AGBL1: variants seen among roughly 807,000 people sequenced by gnomAD.
AGBL1 encodes AGBL carboxypeptidase 1.
A neutral mutation model predicts 118.9 loss-of-function variants in AGBL1; 130 were observed. The observed-to-expected ratio is 1.09, with a 90% CI of 0.95 to 1.26. The LOEUF (loss-of-function observed/expected upper bound fraction) is 1.26. Ranked by LOEUF, AGBL1 falls within the 50% of genes most tolerant of loss-of-function variation. The pLI, the probability that AGBL1 is intolerant of heterozygous loss-of-function variation, is 0.00. For synonymous variants in AGBL1, 555 were observed against 478.9 expected (o/e 1.16, Z -2.08); for missense variants, 1,584 against 1,298.1 (o/e 1.22, Z -3.38).
intron 5 of AGBL1, among the ~76,000 whole-genome samples, chr15:86,198,677 T>C (rs555549517): frequency 1.3e-5 from 2 of 152,188 alleles, no homozygotes; most frequent in South Asian, 4.2e-4. Flanking sequence ...TCTCTCTCTC[T>C]CTCTTTCTGT....
chr15:86,314,021 G>T (rs566889648), intron 17 of AGBL1, among the ~76,000 whole-genome samples: 2 of 152,264 alleles, frequency 1.3e-5, no homozygotes, highest in Admixed American at 6.5e-5. Context: ...AATCATAAAC[G>T]CCTAGATCCT....
intron 9 of AGBL1, among the ~76,000 whole-genome samples, chr15:86,259,880 T>C (rs2078955002): frequency 6.6e-6 from 1 of 152,230 alleles, no homozygotes; most frequent in Admixed American, 6.5e-5. Context: ...GGGTGCACGA[T>C]AGTGCCTGAC....
chr15:86,668,608 T>C (rs879432273), intron 21 of AGBL1, among the ~76,000 whole-genome samples: 11 of 152,158 alleles, frequency 7.2e-5, no homozygotes, highest in Admixed American at 2.6e-4. Context: ...TTACAGAGGA[T>C]GTTCAATGAT....
At chr15:86,596,389 G>A (rs1049864187) in intron 21 of AGBL1, among the ~76,000 whole-genome samples, 2 of 152,086 alleles carry the variant, frequency 1.3e-5, no homozygotes, top group African/African-American at 4.8e-5. Flanking sequence ...CATTCAGAAG[G>A]CTCTTATGTA....
chr15:86,752,867 C>A (rs1384454564), intron 22 of AGBL1, among the ~76,000 whole-genome samples: 1 of 151,982 alleles, frequency 6.6e-6, no homozygotes, highest in Non-Finnish European at 1.5e-5. Flanking sequence ...ATCAAGGACC[C>A]TTGATTAGAT....
chr15:86,128,417 G>T (rs1241134504), intron 1 of AGBL1, among the ~76,000 whole-genome samples: 1 of 152,148 alleles, frequency 6.6e-6, no homozygotes, highest in Non-Finnish European at 1.5e-5. Flanking sequence ...GTGAGATTTG[G>T]GTGGGGACAC....
At chr15:86,781,033 T>C (rs984057203) in intron 22 of AGBL1, among the ~76,000 whole-genome samples, 28 of 152,172 alleles carry the variant, frequency 1.8e-4, no homozygotes, top group African/African-American at 6.5e-4. Context: ...TTAATTTAAT[T>C]TATTCCTAAG....
chr15:86,079,965 AG>A lies in AGBL1; in HGVS notation c.-7del, dbSNP rs1895156323. 8.1e-7 allele frequency: 1 copy of A among 1,232,174 alleles called. No homozygotes were observed. The highest frequency in any genetic ancestry group is 3.2e-5 in the East Asian group (1 of 31,690). The allele number at this position is 1,232,174 out of a possible 1,614,324, so 76.3% of individuals were successfully genotyped here. A position where few individuals can be genotyped will look rare whatever the true frequency, so the allele number is the denominator to read the frequency against. On this transcript the variant is annotated 5_prime_UTR_variant, in exon 1 of 23. Coordinates refer to ENST00000614907, the MANE Select transcript of AGBL1 (RefSeq NM_001386094.1). The stretch of plus-strand genomic sequence containing the variant: ...GCAGGCAGCGGTTCCCTAGGACCCG[AG>A]AAAAGGATGGCCGAACAAGAAGCTA...
At chr15:86,670,539 G>A (rs1237602549) in intron 21 of AGBL1, among the ~76,000 whole-genome samples, 1 of 151,024 alleles carries the variant, frequency 6.6e-6, no homozygotes, top group East Asian at 2.0e-4. Flanking sequence ...AGGAGGCAGA[G>A]GTTGCAGTGA....
At chr15:86,956,215 G>A (rs1007354131) in intron 23 of AGBL1, among the ~76,000 whole-genome samples, 1 of 116,690 alleles carries the variant, frequency 8.6e-6, no homozygotes, top group Admixed American at 1.0e-4. Context: ...ATAGATGATT[G>A]ATTAGATAGA....
intron 24 of AGBL1, among the ~76,000 whole-genome samples, chr15:86,997,038 GAAAA>G (rs1028484447): frequency 6.6e-6 from 1 of 151,032 alleles, no homozygotes; most frequent in African/African-American, 2.4e-5. Flanking sequence ...TAAGAAGAAA[GAAAA>G]AAAAGAGACA....
intron 6 of AGBL1, among the ~76,000 whole-genome samples, chr15:86,238,976 C>T (rs141308835): frequency 1.8e-3 from 278 of 151,918 alleles, no homozygotes; most frequent in African/African-American, 6.1e-3. Flanking sequence ...AACCTAAGGT[C>T]CTTCATTAGA....
intron 22 of AGBL1, among the ~76,000 whole-genome samples, chr15:86,742,915 A>G (rs560900678): frequency 2.6e-4 from 40 of 152,284 alleles, no homozygotes; most frequent in African/African-American, 9.1e-4. Flanking sequence ...CTGAAAATCA[A>G]CATACTTCAA....
intron 1 of AGBL1, among the ~76,000 whole-genome samples, chr15:86,127,992 A>C (rs941347472): frequency 6.6e-6 from 1 of 152,016 alleles, no homozygotes; most frequent in Admixed American, 6.6e-5. Flanking sequence ...CTCTTTTTTG[A>C]TTGGGCCATT....
At chr15:86,162,591 G>A (rs955250773) in intron 5 of AGBL1, among the ~76,000 whole-genome samples, 2 of 152,164 alleles carry the variant, frequency 1.3e-5, no homozygotes, top group Admixed American at 1.3e-4. Context: ...CCACCATGCT[G>A]CACACACTTG....
At chr15:86,818,777 C>T (rs1356696698) in intron 22 of AGBL1, among the ~76,000 whole-genome samples, 1 of 152,138 alleles carries the variant, frequency 6.6e-6, no homozygotes, top group Admixed American at 6.5e-5. Flanking sequence ...AATTTTGGAA[C>T]CAGACACCAA....
chr15:86,847,279 T>C (rs912383005), intron 22 of AGBL1, among the ~76,000 whole-genome samples: 1 of 152,234 alleles, frequency 6.6e-6, no homozygotes, highest in Non-Finnish European at 1.5e-5. Context: ...TAATCACTGC[T>C]TGTTCTTTCA....
At chr15:86,762,701 T>C (rs1316143287) in intron 22 of AGBL1, among the ~76,000 whole-genome samples, 2 of 152,106 alleles carry the variant, frequency 1.3e-5, no homozygotes, top group African/African-American at 4.8e-5. Flanking sequence ...ATAAACCCTG[T>C]GACTTTAGAG....
intron 1 of AGBL1, among the ~76,000 whole-genome samples, chr15:86,118,555 T>C (rs1002229343): frequency 1.3e-5 from 2 of 151,986 alleles, no homozygotes; most frequent in African/African-American, 2.4e-5. Flanking sequence ...GAGTACAGCA[T>C]TGGAGAGCAG....
Sources: gnomAD v4.1 joint callset for allele counts (sites outside exome capture counted in the v4.1 genomes callset) on GRCh38, gnomAD v4.1.1 for gene constraint, MANE v1.5 for transcripts, NCBI Gene and HGNC (gene_info 2026-07-23, HGNC 2026-07-21) for gene names.